Variants in ZNF469 observed in about 807,000 individuals in gnomAD.
ZNF469 encodes the protein zinc finger protein 469.
A neutral mutation model predicts 1.0 loss-of-function variants in ZNF469; 1 was observed. The ratio of observed to expected loss-of-function variants is 1.00; its 90% CI spans 0.35 to 4.73. The LOEUF is 4.73. Ranked by LOEUF, ZNF469 falls within the 30% of genes most tolerant of loss-of-function variation. ZNF469 has a pLI of 0.16. For missense variants in ZNF469, 6,100 were observed against 5,356.3 expected (o/e 1.14, Z -4.33); for synonymous variants, 2,703 against 2,363.4 (o/e 1.14, Z -4.17).
chr16:88,325,047 C>T, the ZNF469 span, among the ~76,000 whole-genome samples: 1 of 151,990 alleles, frequency 6.6e-6, no homozygotes, highest in Non-Finnish European at 1.5e-5. Flanking sequence ...GAGGAGGTGC[C>T]CTTGGGAAAT....
At chr16:88,182,461 A>T in the ZNF469 span, among the ~76,000 whole-genome samples, 1 of 152,074 alleles carries the variant, frequency 6.6e-6, no homozygotes, top group Non-Finnish European at 1.5e-5. Flanking sequence ...TCTTCTTTGG[A>T]AGATTCACAC....
At position 88,429,063 on chromosome 16, in the gene ZNF469, A is replaced by G. The variant is rs1213539612; in HGVS notation, c.1593A>G (p.Arg531=). 1 of 1,549,842 alleles carries G rather than the reference A, an allele frequency of 6.5e-7. No individual in the cohort carries two copies. Among genetic ancestry groups the G allele is most frequent in the Non-Finnish European group, 8.7e-7 (1 of 1,146,876 alleles). Residue 531 remains arginine (R), a synonymous_variant, in exon 3 of 3, where the codon AGA becomes AGG. Transcript: ENST00000565624. ...LGTAGKTPGP[R]EKLPAVRSSQ... is the part of the protein sequence containing the mutation. ...CTGCTGGCAAGACACCGGGACCCAG[A>G]GAGAAGCTGCCAGCCGTGAGAAGCA... is the stretch of plus-strand genomic sequence containing the variant.
the ZNF469 span, among the ~76,000 whole-genome samples, chr16:88,324,585 C>A: frequency 6.2e-3 from 949 of 152,362 alleles, 8 homozygotes; most frequent in African/African-American, 0.022. Flanking sequence ...CGGCCGTGTA[C>A]AGAGAGTTGC....
At chr16:88,404,286 A>G (rs1904966146) in intron 1 of ZNF469, among the ~76,000 whole-genome samples, 1 of 152,164 alleles carries the variant, frequency 6.6e-6, no homozygotes, top group African/African-American at 2.4e-5. Flanking sequence ...CGGATTCTAG[A>G]TACCAGGTCA....
chr16:88,118,423 C>T, the ZNF469 span, among the ~76,000 whole-genome samples: 2 of 152,200 alleles, frequency 1.3e-5, no homozygotes, highest in African/African-American at 4.8e-5. Context: ...AAAGGAGGCA[C>T]AAGAGTCTCA....
the ZNF469 span, among the ~76,000 whole-genome samples, chr16:88,290,096 G>C: frequency 1.3e-5 from 2 of 152,242 alleles, no homozygotes; most frequent in African/African-American, 4.8e-5. Flanking sequence ...TGGGTGAGCT[G>C]TCTGTAGCTC....
chr16:88,391,198 A>T (rs1904482358), intron 1 of ZNF469, among the ~76,000 whole-genome samples: 1 of 152,186 alleles, frequency 6.6e-6, no homozygotes, highest in South Asian at 2.1e-4. Context: ...AGATGTGGAG[A>T]GCACCTCAAT....
chr16:88,322,064 C>A, the ZNF469 span, among the ~76,000 whole-genome samples: 1 of 152,214 alleles, frequency 6.6e-6, no homozygotes, highest in East Asian at 1.9e-4. Flanking sequence ...GGAAATGGTC[C>A]CTGTGGGCCT....
In ZNF469 at chr16:88,436,343, T is replaced by A; in HGVS notation, c.8873T>A (p.Leu2958His). Reference sequence around the variant, plus strand: ...GGCATTGACCCCTGGGCCCCCGGCCTCAGCCTGTGGGCCCTGGAGCCCAGC... The same window carrying A: ...GGCATTGACCCCTGGGCCCCCGGCCACAGCCTGTGGGCCCTGGAGCCCAGC... ...VPGIDPWAPG[L>H]SLWALEPSRE... The change falls in exon 3 of 3, where the codon CTC becomes CAC. Residue 2958 changes from leucine to histidine, a missense_variant. Transcript: ENST00000565624. 2 of 1,549,626 alleles carry A rather than the reference T, an allele frequency of 1.3e-6. No individual in the cohort carries two copies. The highest frequency in any genetic ancestry group is 1.7e-6 in the Non-Finnish European group (2 of 1,146,470).
chr16:88,307,754 T>C, the ZNF469 span, among the ~76,000 whole-genome samples: 1 of 152,228 alleles, frequency 6.6e-6, no homozygotes, highest in Non-Finnish European at 1.5e-5. Flanking sequence ...CCCTATTGGA[T>C]ATATGGTTTG....
the ZNF469 span, among the ~76,000 whole-genome samples, chr16:88,363,130 C>T: frequency 3.2e-4 from 49 of 152,268 alleles, no homozygotes; most frequent in African/African-American, 1.0e-3. Flanking sequence ...TCCTTTACAA[C>T]CTTGAGCCTA....
At chr16:88,110,868 T>G in the ZNF469 span, among the ~76,000 whole-genome samples, 1 of 152,150 alleles carries the variant, frequency 6.6e-6, no homozygotes, top group Non-Finnish European at 1.5e-5. Flanking sequence ...GCTGGAGAAA[T>G]GCGTCTGCAG....
At chr16:88,266,626 A>G in the ZNF469 span, among the ~76,000 whole-genome samples, 1 of 152,200 alleles carries the variant, frequency 6.6e-6, no homozygotes, top group African/African-American at 2.4e-5. Flanking sequence ...ACAAGAAAGG[A>G]GAAGGTTACC....
chr16:88,364,538 T>C, the ZNF469 span, among the ~76,000 whole-genome samples: 886 of 146,464 alleles, frequency 6.0e-3, 10 homozygotes, highest in African/African-American at 0.021. Flanking sequence ...TAGACTGAAA[T>C]TGTGTTTAAT....
At chr16:88,309,077 A>G in the ZNF469 span, among the ~76,000 whole-genome samples, 1 of 151,444 alleles carries the variant, frequency 6.6e-6, no homozygotes, top group African/African-American at 2.4e-5. Context: ...CCTTCTCCCA[A>G]CCTCCCAGGC....
chr16:88,259,438 T>C, the ZNF469 span, among the ~76,000 whole-genome samples: 1 of 152,202 alleles, frequency 6.6e-6, no homozygotes, highest in Non-Finnish European at 1.5e-5. This position sits in a 1 kb window ranked among gnomAD's most constrained non-coding sequence, Gnocchi z 4.1. Flanking sequence ...TTTTTCCACT[T>C]TGGGGCCTTT....
the ZNF469 span, among the ~76,000 whole-genome samples, chr16:88,358,912 C>G: frequency 1.3e-5 from 2 of 152,160 alleles, no homozygotes; most frequent in South Asian, 2.1e-4. Flanking sequence ...CCTTTCTGCC[C>G]TTGGTGGACA....
chr16:88,133,846 C>T, the ZNF469 span, among the ~76,000 whole-genome samples: 2 of 152,228 alleles, frequency 1.3e-5, no homozygotes, highest in African/African-American at 4.8e-5. Context: ...GTAATCCCAG[C>T]ACTGTGGGAG....
rs3812953 is a variant in ZNF469, at chr16:88,436,074, C to G, written c.8604C>G (p.Arg2868=). ...SFSQLFPPGG[R]LTRKRNPHVY... is the part of the protein sequence containing the mutation. ...CCCAGCTCTTCCCTCCAGGCGGTCG[C>G]TTGACTAGAAAGAGGAACCCGCATG... Residue 2868 remains arginine (R), a synonymous_variant, in exon 3 of 3, where the codon CGC becomes CGG. Coordinates refer to ENST00000565624, the MANE Select transcript of ZNF469 (RefSeq NM_001367624.2). The G allele has an allele frequency of 3.2e-6, 5 of 1,549,886 alleles. No individual in the cohort carries two copies. The highest frequency in any genetic ancestry group is 4.4e-6 in the Non-Finnish European group (5 of 1,146,954).
Sources: gnomAD v4.1 joint callset for allele counts (sites outside exome capture counted in the v4.1 genomes callset) on GRCh38, gnomAD v4.1.1 for gene constraint, Gnocchi (gnomAD v3.1) non-coding constraint, MANE v1.5 for transcripts, NCBI Gene and HGNC (gene_info 2026-07-23, HGNC 2026-07-21) for gene names.